The following ARHGEF1 variants were observed in gnomAD, a reference collection of about 807,000 sequenced individuals.
ARHGEF1 encodes Rho guanine nucleotide exchange factor 1, also known as 115 kDa guanine nucleotide exchange factor.
In ARHGEF1, 40 loss-of-function variants were observed where a neutral mutation model predicts 119.7. That is an observed-to-expected ratio of 0.33 (90% CI 0.26 to 0.44). ARHGEF1 has a LOEUF of 0.44. ARHGEF1 is among the 20% of genes least tolerant of loss of function. The pLI, the probability that ARHGEF1 is intolerant of heterozygous loss-of-function variation, is 1.00. For missense variants in ARHGEF1, 976 were observed against 1,268.3 expected (o/e 0.77, Z 3.50); for synonymous variants, 494 against 521.0 (o/e 0.95, Z 0.71).
chr19:41,908,841 A>G (rs567320561), downstream of ARHGEF1, among the ~76,000 whole-genome samples: 36 of 77,050 alleles, frequency 4.7e-4, 1 homozygote, highest in South Asian at 0.013. This position sits in a 1 kb window ranked among gnomAD's most constrained non-coding sequence, Gnocchi z 6.7. Flanking sequence ...CCACTCCCCC[A>G]CTTGTCTTCC....
chr19:41,914,551 TC>T (rs1386038977), intron 18 of ARHGEF1, among the ~76,000 whole-genome samples: 10 of 120,754 alleles, frequency 8.3e-5, no homozygotes, highest in Non-Finnish European at 1.8e-4. Flanking sequence ...CGTCTTTCCC[TC>T]CCCTTCCACC....
chr19:41,886,420 T>G (rs1555845261), intron 1 of ARHGEF1, among the ~76,000 whole-genome samples: 1 of 152,070 alleles, frequency 6.6e-6, no homozygotes, highest in East Asian at 1.9e-4. Context: ...TACCTCTGAG[T>G]GGGATGAGCA....
upstream of ARHGEF1, among the ~76,000 whole-genome samples, chr19:41,922,424 G>A (rs1280629599): frequency 6.6e-6 from 1 of 152,150 alleles, no homozygotes; most frequent in Non-Finnish European, 1.5e-5. Flanking sequence ...AGGGGCAGAT[G>A]GATGGGACTG....
Position 41,907,420 on chromosome 19 carries a change from G to C in ARHGEF1, c.*333G>C. 6.5e-7 allele frequency: 1 copy of C among 1,530,310 alleles called. No homozygotes were observed. The highest frequency in any genetic ancestry group is 1.2e-5 in the South Asian group (1 of 83,358). 94.8% of individuals were successfully genotyped at this position (1,530,310 alleles called of 1,614,324 possible). On this transcript the variant is annotated 3_prime_UTR_variant, in exon 29 of 29. Transcript: ENST00000354532. ...CTCTGTTTTTATACCCTGAATTGGA[G>C]GTTTATTTTTTAATATATATTATCT...
intron 1 of ARHGEF1, among the ~76,000 whole-genome samples, chr19:41,884,157 A>C (rs1184083125): frequency 6.6e-6 from 1 of 151,844 alleles, no homozygotes; most frequent in Non-Finnish European, 1.5e-5. Context: ...GAGGAGTTGG[A>C]CCCATCTGCA....
In ARHGEF1 at chr19:41,906,498, A is replaced by G. The variant is rs2074698726; in HGVS notation, c.2533A>G (p.Asn845Asp). The G allele has an allele frequency of 3.2e-6, 5 of 1,580,224 alleles. No homozygotes were observed. Among genetic ancestry groups the G allele is most frequent in the Non-Finnish European group, 4.3e-6 (5 of 1,170,530 alleles). Residue 845 changes from asparagine to aspartate, a missense_variant, in exon 27 of 29, where the codon AAT becomes GAT. This residue lies in a region of ARHGEF1 where 171 missense variants were observed against 180.6 expected (regional missense o/e 0.95). Transcript: ENST00000354532. The surrounding 1 kb of genome is among the most constrained non-coding windows in gnomAD (Gnocchi z 4.5). ...KQLLFPAEED[N>D]GAGPPRDGDG... ...GCTTCTGTTTCCGGCGGAGGAAGAC[A>G]ATGGGGCGGGGCCTCCTCGAGATGG...
Position 41,902,395 on chromosome 19 carries a change from C to A in ARHGEF1, c.1497+39C>A. The A allele has an allele frequency of 6.2e-7, 1 of 1,613,234 alleles. No homozygotes were observed. The highest frequency in any genetic ancestry group is 8.5e-7 in the Non-Finnish European group (1 of 1,179,538). ...CCCTCCCGCTCCTCCCAGCTAGACA[C>A]ATGGAATTCAGGCCCGGGACGGGTC... On this transcript the variant is annotated intron_variant, in intron 16 of 28. Coordinates refer to ENST00000354532, the MANE Select transcript of ARHGEF1 (RefSeq NM_004706.4). This position sits in a 1 kb window ranked among gnomAD's most constrained non-coding sequence, Gnocchi z 6.5.
chr19:41,897,810 C>T, intron 13 of ARHGEF1: 2 of 935,064 alleles, frequency 2.1e-6, no homozygotes, highest in Non-Finnish European at 2.9e-6. Context: ...TGGCCTCTCC[C>T]CACCTCTGTC....
intron 14 of ARHGEF1, among the ~76,000 whole-genome samples, chr19:41,901,143 ATTTG>A (rs782419194): frequency 2.1e-5 from 3 of 143,484 alleles, no homozygotes; most frequent in Non-Finnish European, 1.5e-5. Flanking sequence ...TTTTTTTTTT[ATTTG>A]TTTGTTTTGT....
At position 41,894,282 on chromosome 19, in the gene ARHGEF1, G is replaced by A. The variant is rs539561941; in HGVS notation, c.720G>A (p.Ser240=). 1.1e-5 allele frequency: 17 copies of A among 1,567,212 alleles called. No individual in the cohort carries two copies. The highest frequency in any genetic ancestry group is 4.1e-5 in the African/African-American group (3 of 73,570). ...GGACCAAGAGTGGAGACAAGAAGTCGGGGAGGAACTTCTTCCGGAAAAAGG... is the reference window on the plus strand; with the variant it reads ...GGACCAAGAGTGGAGACAAGAAGTCAGGGAGGAACTTCTTCCGGAAAAAGG... The part of the protein sequence containing the change: ...GVRTKSGDKK[S]GRNFFRKKVM... The change falls in exon 9 of 29, where the codon TCG becomes TCA. Residue 240 remains serine (S), a synonymous_variant. Coordinates refer to ENST00000354532, the MANE Select transcript of ARHGEF1 (RefSeq NM_004706.4).
chr19:41,908,223 C>G, downstream of ARHGEF1: 1 of 1,231,726 alleles, frequency 8.1e-7, no homozygotes, highest in Non-Finnish European at 1.0e-6. The surrounding 1 kb of genome is among the most constrained non-coding windows in gnomAD (Gnocchi z 6.7). Flanking sequence ...TTGCCCCCTG[C>G]CGGCTCAGCT....
rs2123378436 is a variant in ARHGEF1 at position 41,889,001 on chromosome 19, G to A, written c.225+136G>A. 4 of 726,850 alleles carry A rather than the reference G, an allele frequency of 5.5e-6. No individual in the cohort carries two copies. In the South Asian group the frequency reaches 7.4e-5, roughly 14 times the overall value. 45.0% of individuals were successfully genotyped at this position (726,850 alleles called of 1,614,324 possible). A position where few individuals can be genotyped will look rare whatever the true frequency, so the allele number is the denominator to read the frequency against. ...GAACACAGAGAGCCAGATCTAGAAA[G>A]AGAGAATGCTTTAGACAAGAGCCAG... On this transcript the variant is annotated intron_variant, in intron 4 of 28. Coordinates refer to ENST00000354532, the MANE Select transcript of ARHGEF1 (RefSeq NM_004706.4). The surrounding 1 kb of genome is among the most constrained non-coding windows in gnomAD (Gnocchi z 4.0).
Position 41,894,123 on chromosome 19 carries a change from AGTGTGTGTGTGAGT to A in ARHGEF1, c.645-72_645-59del, listed in dbSNP as rs1302179514. The A allele has an allele frequency of 1.2e-3, 773 of 650,756 alleles. 2 individuals are homozygous for A. The African/African-American group carries it at 0.024, about 20-fold the overall frequency. 40.3% of individuals were successfully genotyped at this position (650,756 alleles called of 1,614,324 possible). A position where few individuals can be genotyped will look rare whatever the true frequency, so the allele number is the denominator to read the frequency against. On this transcript the variant is annotated intron_variant, in intron 8 of 28. Coordinates refer to ENST00000354532, the MANE Select transcript of ARHGEF1 (RefSeq NM_004706.4). ...TCTGCCTCTAGGGGGAGAGAGAGAG[AGTGTGTGTGTGAGT>A]GTGTGTGTGTGTGTGTGTGTGTGTG... is the stretch of plus-strand genomic sequence containing the variant.
chr19:41,907,686 A>C (rs953253864), downstream of ARHGEF1: 4 of 359,860 alleles, frequency 1.1e-5, no homozygotes, highest in Non-Finnish European at 2.0e-5. Context: ...CCCCATGCTC[A>C]GCACTGGGCA....
In ARHGEF1 at chr19:41,893,259, C is replaced by T; in HGVS notation, c.615-15C>T. 6.2e-7 allele frequency: 1 copy of T among 1,612,486 alleles called. No homozygotes were observed. The highest frequency in any genetic ancestry group is 8.5e-7 in the Non-Finnish European group (1 of 1,179,456). On this transcript the variant is annotated splice_polypyrimidine_tract_variant and intron_variant, in intron 7 of 28. Coordinates refer to ENST00000354532, the MANE Select transcript of ARHGEF1 (RefSeq NM_004706.4). ...CCTAGCAAATATGTCACAAACATCT[C>T]TCTTCCTCCTACAGACATACCATCT...
Position 41,916,254 on chromosome 19 carries a change from C to T in ARHGEF1, c.1866-6838C>T, listed in dbSNP as rs905252648. Among the ~76,000 whole-genome samples the T allele has an allele frequency of 2.7e-5, 4 of 147,638 alleles. No homozygotes were observed. The highest frequency in any genetic ancestry group is 4.4e-5 in the Non-Finnish European group (3 of 67,818). The stretch of plus-strand genomic sequence containing the variant: ...CAGCCACACACACACCATCACATAC[C>T]ACACACTGCATGAGCCCACATGTCA... On this transcript the variant is annotated intron_variant, in intron 18 of 20. Transcript: ENST00000599589. This position sits in a 1 kb window ranked among gnomAD's most constrained non-coding sequence, Gnocchi z 5.4.
chr19:41,903,529 G>GTA lies in ARHGEF1; in HGVS notation c.1839+123_1839+124insAT, dbSNP rs2074639094. The GTA allele has an allele frequency of 7.9e-6, 9 of 1,140,750 alleles. No homozygotes were observed. The East Asian group carries it at 2.0e-4, about 26-fold the overall frequency. The allele number at this position is 1,140,750 out of a possible 1,614,324, so 70.7% of individuals were successfully genotyped here. On this transcript the variant is annotated intron_variant, in intron 19 of 28. Transcript: ENST00000354532. This position sits in a 1 kb window ranked among gnomAD's most constrained non-coding sequence, Gnocchi z 4.2. Reference sequence around the variant, plus strand: ...TGGCTTGTCTCCCTCAAGGGTCACTGTGTCCAGGGGTTGGCTTGGCCCTCA... The same window carrying GTA: ...TGGCTTGTCTCCCTCAAGGGTCACTGTATGTCCAGGGGTTGGCTTGGCCCTCA...
In ARHGEF1 at chr19:41,889,173, T is replaced by C; in HGVS notation, c.225+308T>C. ...ACCACATCCCATCCCACTCTGTGCC[T>C]GTGGCAGCGCCCCCATCAGCCTGTG... On this transcript the variant is annotated intron_variant, in intron 4 of 28. Coordinates refer to ENST00000354532, the MANE Select transcript of ARHGEF1 (RefSeq NM_004706.4). The surrounding 1 kb of genome is among the most constrained non-coding windows in gnomAD (Gnocchi z 4.0). The C allele has an allele frequency of 3.7e-6, 1 of 271,582 alleles. No individual in the cohort carries two copies. Among genetic ancestry groups the C allele is most frequent in the Non-Finnish European group, 7.0e-6 (1 of 141,874 alleles). The allele number at this position is 271,582 out of a possible 1,614,324, so 16.8% of individuals were successfully genotyped here.
At position 41,889,471 on chromosome 19, in the gene ARHGEF1, A is replaced by G. The variant is rs1198889470; in HGVS notation, c.225+606A>G. On this transcript the variant is annotated intron_variant, in intron 4 of 28. Transcript: ENST00000354532. The surrounding 1 kb of genome is among the most constrained non-coding windows in gnomAD (Gnocchi z 4.0). ...ATGGACAACCGTGCCATCCAGAAACACCCGCAGAGTCTAGAAAACCCAGCA... is the reference window on the plus strand; with the variant it reads ...ATGGACAACCGTGCCATCCAGAAACGCCCGCAGAGTCTAGAAAACCCAGCA... 1.3e-5 allele frequency: 2 copies of G among 152,188 alleles called. No homozygotes were observed. Among genetic ancestry groups the G allele is most frequent in the African/African-American group, 4.8e-5 (2 of 41,378 alleles). 9.4% of individuals were successfully genotyped at this position (152,188 alleles called of 1,614,324 possible).
Sources: gnomAD v4.1 joint callset for allele counts (sites outside exome capture counted in the v4.1 genomes callset) on GRCh38, gnomAD v4.1.1 for gene constraint, gnomAD v4.1.1 regional missense constraint, Gnocchi (gnomAD v3.1) non-coding constraint, MANE v1.5 for transcripts, NCBI Gene and HGNC (gene_info 2026-07-23, HGNC 2026-07-21) for gene names.